MEP1A: variants seen among roughly 807,000 people sequenced by gnomAD.
MEP1A encodes N-benzoyl-L-tyrosyl-P-amino-benzoic acid hydrolase subunit alpha.
Under a neutral mutation model 84.5 loss-of-function variants are expected in MEP1A, and 68 were observed. The ratio of observed to expected loss-of-function variants is 0.80; its 90% CI spans 0.66 to 0.98. The LOEUF (loss-of-function observed/expected upper bound fraction) is 0.98. MEP1A is among the 50% of genes least tolerant of loss of function. The pLI is 0.00. For missense variants in MEP1A, 887 were observed against 919.9 expected, an observed-to-expected ratio of 0.96 and a Z score of 0.46; for synonymous variants, 337 against 336.8, an observed-to-expected ratio of 1.00 and a Z score of -0.01.
At chr6:46,829,234 G>A (rs528817269) in intron 9 of MEP1A, 122 bp from the exon 10 acceptor site, 53 of 750,984 alleles carry the variant, frequency 7.1e-5, no homozygotes, top group East Asian at 1.2e-4. Context: ...ATTTTCCTCC[G>A]AAGAGTTCTA....
chr6:46,813,267 G>T (rs79613931), intron 6 of MEP1A, among the ~76,000 whole-genome samples: 388 of 152,240 alleles, frequency 2.5e-3, no homozygotes, highest in African/African-American at 8.6e-3. Flanking sequence ...TAAATAACCT[G>T]CTGCTGAGTA....
intron 7 of MEP1A, among the ~76,000 whole-genome samples, chr6:46,821,839 C>T (rs1040165382): frequency 7.9e-5 from 12 of 152,152 alleles, no homozygotes; most frequent in African/African-American, 2.7e-4. Context: ...GGTACAATTC[C>T]GTATATCTAA....
chr6:46,832,557 T>A (rs1237187102), intron 10 of MEP1A, among the ~76,000 whole-genome samples: 1 of 152,190 alleles, frequency 6.6e-6, no homozygotes, highest in Non-Finnish European at 1.5e-5. Flanking sequence ...AAAGTCTAGA[T>A]GTTGGAGAGG....
In MEP1A at chr6:46,833,135, C is replaced by T. The variant is rs1266409365; in HGVS notation, c.1206C>T (p.Arg402=). The T allele has an allele frequency of 1.3e-6, 2 of 1,557,228 alleles. No individual in the cohort carries two copies. Among genetic ancestry groups the T allele is most frequent in the African/African-American group, 1.4e-5 (1 of 72,502 alleles). Residue 402 remains arginine (R), a synonymous_variant, in exon 11 of 14, where the codon CGC becomes CGT. Coordinates refer to ENST00000230588, the MANE Select transcript of MEP1A (RefSeq NM_005588.3). ...HVVLKEEQKF[R]YLFQGTKGDP... ...TGCTCAAAGAGGAACAGAAGTTTCG[C>T]TACCTTTTCCAGGGCACAAAAGGCG...
chr6:46,808,297 A>T (rs1767411760), intron 5 of MEP1A, among the ~76,000 whole-genome samples: 2 of 152,174 alleles, frequency 1.3e-5, no homozygotes, highest in South Asian at 4.1e-4. Flanking sequence ...TAGTTTCCAC[A>T]ATTAGTTTAT....
chr6:46,816,926 G>A (rs1037350057), intron 6 of MEP1A, among the ~76,000 whole-genome samples: 1 of 152,154 alleles, frequency 6.6e-6, no homozygotes, highest in Non-Finnish European at 1.5e-5. Context: ...ATGTGTGAGG[G>A]AACCTATTGT....
chr6:46,797,940 TTCC>T, intron 3 of MEP1A, among the ~76,000 whole-genome samples: 1 of 66,792 alleles, frequency 1.5e-5, no homozygotes. Context: ...CTTTCCTTCC[TTCC>T]TTCCTTCCTT....
rs1463304452 is a variant in MEP1A at position 46,829,362 on chromosome 6, G to C, written c.935G>C (p.Gly312Ala). 9.3e-6 allele frequency: 15 copies of C among 1,612,944 alleles called. No individual in the cohort carries two copies. The East Asian group carries it at 3.3e-4, about 36-fold the overall frequency. ...HTLLGQCTGA[G>A]YFMQFSTSSG... ...TTGGCTGCTCTTTCCATAGGTGCCG[G>C]CTACTTCATGCAGTTCAGCACCAGC... Residue 312 changes from glycine (G) to alanine (A), a missense_variant, in exon 10 of 14, where the codon GGC becomes GCC. Coordinates refer to ENST00000230588, the MANE Select transcript of MEP1A (RefSeq NM_005588.3).
At chr6:46,813,638 T>C (rs375740317) in intron 6 of MEP1A, among the ~76,000 whole-genome samples, 3 of 152,146 alleles carry the variant, frequency 2.0e-5, no homozygotes, top group African/African-American at 2.4e-5. Flanking sequence ...GTTATTGTTA[T>C]ATAGGTTCTG....
intron 7 of MEP1A, among the ~76,000 whole-genome samples, chr6:46,822,450 A>C (rs1181223314): frequency 1.3e-5 from 2 of 152,158 alleles, no homozygotes; most frequent in African/African-American, 4.8e-5. Context: ...TGTTGAATAC[A>C]TTTTCAAATA....
At chr6:46,837,690 C>A (rs1489524167) in intron 13 of MEP1A, among the ~76,000 whole-genome samples, 32 of 152,184 alleles carry the variant, frequency 2.1e-4, no homozygotes, top group Admixed American at 2.1e-3. Context: ...TCCTAGAAAC[C>A]TGCAGCTGAG....
At chr6:46,795,443 G>T (rs1767029877) in intron 3 of MEP1A, among the ~76,000 whole-genome samples, 1 of 151,898 alleles carries the variant, frequency 6.6e-6, no homozygotes, top group South Asian at 2.1e-4. Context: ...TGGGATTATA[G>T]GTGCCCACCA....
Position 46,819,654 on chromosome 6 carries a change from G to A in MEP1A, c.506G>A (p.Arg169Lys), listed in dbSNP as rs1423483188. ...TTGGGATTTTACCACGAGCAGTCAA[G>A]GACGGACCGGGATGATTATGTGAAC... ...HALGFYHEQS[R>K]TDRDDYVNIW... Residue 169 changes from arginine (R) to lysine (K), a missense_variant, in exon 7 of 14, where the codon AGG (arginine) becomes AAG (lysine). Physicochemically the swap from Arg to Lys is conservative, Grantham distance 26. Coordinates refer to ENST00000230588, the MANE Select transcript of MEP1A (RefSeq NM_005588.3). 2 of 1,614,128 alleles carry A rather than the reference G, an allele frequency of 1.2e-6. No homozygotes were observed. Among genetic ancestry groups the A allele is most frequent in the Admixed American group, 1.7e-5 (1 of 60,012 alleles).
intron 6 of MEP1A, among the ~76,000 whole-genome samples, chr6:46,813,126 G>A (rs1049134559): frequency 1.3e-5 from 2 of 151,956 alleles, no homozygotes; most frequent in East Asian, 1.9e-4. Context: ...AGTAGTAACA[G>A]TTTTATAAAT....
chr6:46,809,578 T>C (rs1237001843), intron 6 of MEP1A, 41 bp downstream of exon 6: 1 of 1,362,322 alleles, frequency 7.3e-7, no homozygotes, highest in Non-Finnish European at 1.0e-6. Context: ...ATGCATACTT[T>C]GGTTCGTAAG....
At chr6:46,817,661 AC>A (rs1767672486) in intron 6 of MEP1A, among the ~76,000 whole-genome samples, 1 of 152,232 alleles carries the variant, frequency 6.6e-6, no homozygotes, top group African/African-American at 2.4e-5. Flanking sequence ...TAAAAATAAA[AC>A]AAAATCCACA....
At chr6:46,807,554 A>AAGAG in intron 5 of MEP1A, among the ~76,000 whole-genome samples, 1 of 64,628 alleles carries the variant, frequency 1.5e-5, no homozygotes, top group Non-Finnish European at 2.9e-5. Context: ...GAAAGAAAGA[A>AAGAG]AGAAAGAAAG....
intron 5 of MEP1A, 56 bp from the exon 6 acceptor site, chr6:46,809,364 T>C (rs1767435895): frequency 4.6e-6 from 5 of 1,092,244 alleles, no homozygotes; most frequent in Non-Finnish European, 6.8e-6. Flanking sequence ...CTATAAGTTA[T>C]AGATATTATC....
At chr6:46,801,651 T>C (rs1018149828) in intron 5 of MEP1A, among the ~76,000 whole-genome samples, 1 of 152,110 alleles carries the variant, frequency 6.6e-6, no homozygotes, top group African/African-American at 2.4e-5. Flanking sequence ...TTTTTTAACT[T>C]ATGGTTTGTG....
Sources: gnomAD v4.1 joint callset for allele counts (sites outside exome capture counted in the v4.1 genomes callset) on GRCh38, gnomAD v4.1.1 for gene constraint, MANE v1.5 for transcripts, NCBI Gene and HGNC (gene_info 2026-07-23, HGNC 2026-07-21) for gene names.